Variants in NEGR1 observed in about 807,000 individuals in gnomAD.
NEGR1 encodes IgLON family member 4.
NEGR1 carries 10 observed loss-of-function variants against 40.9 expected under a neutral mutation model. The observed-to-expected ratio is 0.24, with a 90% CI of 0.15 to 0.42. NEGR1 has a LOEUF of 0.42. Ranked by LOEUF, NEGR1 falls within the 10% of genes least tolerant of loss-of-function variation. The pLI, the probability that NEGR1 is intolerant of heterozygous loss-of-function variation, is 1.00. For missense variants in NEGR1, 352 were observed against 438.9 expected (o/e 0.80, Z 1.77); for synonymous variants, 185 against 166.8 (o/e 1.11, Z -0.84).
chr1:72,152,700 T>C (rs1296037668), intron 1 of NEGR1, among the ~76,000 whole-genome samples: 1 of 151,826 alleles, frequency 6.6e-6, no homozygotes, highest in Non-Finnish European at 1.5e-5. Flanking sequence ...TCTATTCAAA[T>C]AGCAAAGATG....
intron 2 of NEGR1, among the ~76,000 whole-genome samples, chr1:71,812,075 G>A (rs1658023655): frequency 6.6e-6 from 1 of 151,818 alleles, no homozygotes; most frequent in African/African-American, 2.4e-5. Context: ...AGGCCACAGT[G>A]TGTGTTGTTC....
At chr1:72,067,242 C>T (rs1490182605) in intron 1 of NEGR1, among the ~76,000 whole-genome samples, 4 of 152,070 alleles carry the variant, frequency 2.6e-5, no homozygotes, top group African/African-American at 4.8e-5. Context: ...ATATCCTATA[C>T]ATTAGAGATT....
rs182116357 is a variant in NEGR1 at position 71,897,173 on chromosome 1, A to C, written c.409+37906T>G. 2.4e-3 allele frequency among the ~76,000 whole-genome samples: 358 copies of C among 152,096 alleles called. 3 individuals carry two copies. The highest frequency in any genetic ancestry group is 8.1e-3 in the African/African-American group (338 of 41,524). ...TATATGTTATAGAATATATATATAT[A>C]TACTATAACTCGAAGTATTATTGTC... On this transcript the variant is annotated intron_variant, in intron 2 of 6. Coordinates refer to ENST00000357731, the MANE Select transcript of NEGR1 (RefSeq NM_173808.3).
At chr1:72,008,056 T>C (rs1646623745) in intron 1 of NEGR1, among the ~76,000 whole-genome samples, 1 of 151,784 alleles carries the variant, frequency 6.6e-6, no homozygotes, top group Non-Finnish European at 1.5e-5. Context: ...TGTTTGGAGA[T>C]TTTTTTTTCT....
chr1:71,536,219 GT>G (rs1204093643), intron 6 of NEGR1, among the ~76,000 whole-genome samples: 2 of 151,732 alleles, frequency 1.3e-5, no homozygotes, highest in East Asian at 3.9e-4. Flanking sequence ...GTGTTTTAGG[GT>G]AATTATTTGT....
intron 3 of NEGR1, among the ~76,000 whole-genome samples, chr1:71,765,101 C>G (rs563845342): frequency 2.0e-5 from 3 of 152,056 alleles, no homozygotes; most frequent in Admixed American, 1.3e-4. Context: ...CTGGCAAAAC[C>G]ATTACAACTG....
At chr1:72,120,276 G>C (rs1334564398) in intron 1 of NEGR1, among the ~76,000 whole-genome samples, 2 of 151,928 alleles carry the variant, frequency 1.3e-5, no homozygotes, top group Non-Finnish European at 2.9e-5. Context: ...TTGTAAAAAG[G>C]AGAGGGTCAA....
At chr1:72,033,057 G>A (rs1646873074) in intron 1 of NEGR1, among the ~76,000 whole-genome samples, 1 of 151,976 alleles carries the variant, frequency 6.6e-6, no homozygotes, top group Non-Finnish European at 1.5e-5. Context: ...CAAAGTTTCA[G>A]TAATTAAATT....
intron 6 of NEGR1, among the ~76,000 whole-genome samples, chr1:71,482,669 T>C (rs1328433918): frequency 6.6e-6 from 1 of 151,874 alleles, no homozygotes; most frequent in East Asian, 1.9e-4. Flanking sequence ...AGCCGCAAAA[T>C]AGCAAGTCTT....
chr1:71,854,025 G>T (rs1379139242), intron 2 of NEGR1, among the ~76,000 whole-genome samples: 1 of 152,028 alleles, frequency 6.6e-6, no homozygotes. Context: ...CTGTATTCTT[G>T]TTTGTTGAGG....
At chr1:71,732,721 T>A (rs1429818491) in intron 3 of NEGR1, among the ~76,000 whole-genome samples, 1 of 152,118 alleles carries the variant, frequency 6.6e-6, no homozygotes, top group Non-Finnish European at 1.5e-5. Context: ...GACTGACACA[T>A]AAGTCCTCAA....
intron 1 of NEGR1, among the ~76,000 whole-genome samples, chr1:72,157,822 G>A (rs1412187765): frequency 6.6e-6 from 1 of 152,084 alleles, no homozygotes; most frequent in Non-Finnish European, 1.5e-5. Context: ...TCCATTCCTT[G>A]TACAGGCCAA....
chr1:71,617,016 G>C (rs1302816988), intron 4 of NEGR1, among the ~76,000 whole-genome samples: 1 of 152,186 alleles, frequency 6.6e-6, no homozygotes, highest in Non-Finnish European at 1.5e-5. Flanking sequence ...ACCACATGGA[G>C]ACCAAGCACC....
chr1:71,442,226 CTTTT>C (rs35594326), intron 6 of NEGR1, among the ~76,000 whole-genome samples: 19 of 84,954 alleles, frequency 2.2e-4, no homozygotes, highest in African/African-American at 6.7e-4. Context: ...GGTAGCATTC[CTTTT>C]TTTTTTTTTT....
rs1646256377 is a variant in NEGR1, at chr1:71,403,067, G to T, written c.*4379C>A. ...CAAAATAGCTTATAAAACCAAGCAT[G>T]AATCTTTTTTATGCTTTGTTGTTTT... On this transcript the variant is annotated 3_prime_UTR_variant, in exon 7 of 7. Transcript: ENST00000357731. 6.6e-6 allele frequency: 1 copy of T among 152,022 alleles called. No homozygotes were observed. Among genetic ancestry groups the T allele is most frequent in the Non-Finnish European group, 1.5e-5 (1 of 67,934 alleles). 9.4% of individuals were successfully genotyped at this position (152,022 alleles called of 1,614,324 possible).
intron 1 of NEGR1, among the ~76,000 whole-genome samples, chr1:72,001,714 T>C (rs1347785789): frequency 1.3e-5 from 2 of 150,994 alleles, no homozygotes; most frequent in African/African-American, 4.9e-5. Flanking sequence ...GATAGTATAA[T>C]AGCTAGAGTA....
At chr1:72,022,512 A>G (rs1181553018) in intron 1 of NEGR1, among the ~76,000 whole-genome samples, 1 of 149,908 alleles carries the variant, frequency 6.7e-6, no homozygotes, top group Non-Finnish European at 1.5e-5. Context: ...TATAATACAC[A>G]TCTACACACA....
chr1:71,465,259 C>T (rs6694064), intron 6 of NEGR1, among the ~76,000 whole-genome samples: 244 of 152,180 alleles, frequency 1.6e-3, no homozygotes, highest in African/African-American at 5.6e-3. Flanking sequence ...CCAGCCACTA[C>T]GCTAGATGCT....
chr1:71,604,224 T>C (rs1650012417), intron 5 of NEGR1, among the ~76,000 whole-genome samples: 1 of 152,172 alleles, frequency 6.6e-6, no homozygotes, highest in Non-Finnish European at 1.5e-5. Context: ...ATTGACTCTA[T>C]GTAAGTGAAC....
Sources: allele counts gnomAD v4.1 joint callset (sites outside exome capture counted in the v4.1 genomes callset), GRCh38; gene constraint gnomAD v4.1.1; transcripts MANE v1.5; gene names NCBI Gene and HGNC (gene_info 2026-07-23, HGNC 2026-07-21).